Variants in INPP4B observed in about 807,000 individuals in gnomAD.
INPP4B encodes inositol polyphosphate 4-phosphatase type II.
In INPP4B, 55 loss-of-function variants were observed where a neutral mutation model predicts 122.5. The ratio of observed to expected loss-of-function variants is 0.45; its 90% CI spans 0.36 to 0.56. The LOEUF is 0.56. Ranked by LOEUF, INPP4B falls within the 20% of genes least tolerant of loss-of-function variation. The pLI is 0.00. For missense variants in INPP4B, 1,000 were observed against 1,097.7 expected (o/e 0.91, Z 1.26); for synonymous variants, 403 against 388.7 (o/e 1.04, Z -0.43).
At chr4:142,298,762 A>G (rs1561787125) in intron 9 of INPP4B, among the ~76,000 whole-genome samples, 1 of 151,836 alleles carries the variant, frequency 6.6e-6, no homozygotes, top group Non-Finnish European at 1.5e-5. Context: ...TCTGAAAAAT[A>G]CTTGATATCA....
intron 1 of INPP4B, among the ~76,000 whole-genome samples, chr4:142,829,495 C>T (rs1267228652): frequency 2.6e-5 from 4 of 152,142 alleles, no homozygotes; most frequent in African/African-American, 9.7e-5. Flanking sequence ...ATTCCAGTGA[C>T]TTCTCCCTCA....
intron 10 of INPP4B, among the ~76,000 whole-genome samples, chr4:142,269,617 G>C (rs1024606677): frequency 5.9e-5 from 9 of 152,144 alleles, no homozygotes; most frequent in African/African-American, 1.2e-4. Context: ...GTTTCCGTTA[G>C]CCAGGAGGAA....
At chr4:142,620,156 T>C (rs187685027) in intron 2 of INPP4B, among the ~76,000 whole-genome samples, 5 of 152,088 alleles carry the variant, frequency 3.3e-5, no homozygotes, top group African/African-American at 4.8e-5. Context: ...ACAATGGGTA[T>C]ATACCTAAAG....
chr4:142,833,466 A>G (rs1490966941), intron 1 of INPP4B, among the ~76,000 whole-genome samples: 1 of 152,116 alleles, frequency 6.6e-6, no homozygotes, highest in Non-Finnish European at 1.5e-5. Flanking sequence ...AGTATAGAAT[A>G]TAACAATAAC....
At chr4:142,726,952 TATC>T (rs1231536171) in intron 1 of INPP4B, among the ~76,000 whole-genome samples, 2 of 152,176 alleles carry the variant, frequency 1.3e-5, no homozygotes, top group African/African-American at 2.4e-5. Context: ...GCTAATATAA[TATC>T]ATCATTATTA....
intron 1 of INPP4B, among the ~76,000 whole-genome samples, chr4:142,729,980 C>A (rs113343566): frequency 7.3e-6 from 1 of 137,618 alleles, no homozygotes; most frequent in South Asian, 2.4e-4. Context: ...CTCCACTAAA[C>A]CTCAAAACTT....
intron 1 of INPP4B, among the ~76,000 whole-genome samples, chr4:142,835,358 T>A (rs982973820): frequency 6.6e-6 from 1 of 152,184 alleles, no homozygotes; most frequent in Non-Finnish European, 1.5e-5. Context: ...AAAGGAAGGC[T>A]TTCTCTCCTG....
intron 9 of INPP4B, among the ~76,000 whole-genome samples, chr4:142,285,239 C>A (rs543711299): frequency 6.6e-6 from 1 of 151,764 alleles, no homozygotes; most frequent in African/African-American, 2.4e-5. Context: ...GCCTGAGAGG[C>A]CATTGAGCTA....
intron 2 of INPP4B, among the ~76,000 whole-genome samples, chr4:142,527,402 C>A (rs1827066808): frequency 6.6e-6 from 1 of 151,784 alleles, no homozygotes; most frequent in Non-Finnish European, 1.5e-5. Context: ...CAATATATTT[C>A]TTGATAGTTA....
intron 11 of INPP4B, among the ~76,000 whole-genome samples, chr4:142,240,071 C>G (rs922246511): frequency 2.3e-5 from 3 of 132,526 alleles, no homozygotes; most frequent in Admixed American, 1.5e-4. Flanking sequence ...TTATTGTTTT[C>G]TTTTTTTTTT....
chr4:142,809,076 T>A (rs910651582), intron 1 of INPP4B, among the ~76,000 whole-genome samples: 9 of 152,100 alleles, frequency 5.9e-5, no homozygotes, highest in Admixed American at 1.3e-4. Context: ...TAGATTTTTA[T>A]CAGTGAATGA....
chr4:142,592,141 TAA>T (rs967053862), intron 2 of INPP4B, among the ~76,000 whole-genome samples: 16 of 152,204 alleles, frequency 1.1e-4, no homozygotes, highest in South Asian at 2.1e-4. Context: ...TCTGAAAATC[TAA>T]ATTTTTTTCT....
chr4:142,655,136 A>G (rs1369234672), intron 2 of INPP4B, among the ~76,000 whole-genome samples: 2 of 152,146 alleles, frequency 1.3e-5, no homozygotes, highest in African/African-American at 2.4e-5. Flanking sequence ...AGTAGTTAAC[A>G]TTCTTCAAAA....
intron 2 of INPP4B, among the ~76,000 whole-genome samples, chr4:142,516,866 AC>A (rs1238180790): frequency 6.6e-6 from 1 of 151,818 alleles, no homozygotes; most frequent in African/African-American, 2.4e-5. Flanking sequence ...GGACTCTAGT[AC>A]TTCTCCCTTC....
At chr4:142,502,480 C>T (rs1367887181) in intron 2 of INPP4B, among the ~76,000 whole-genome samples, 1 of 152,020 alleles carries the variant, frequency 6.6e-6, no homozygotes, top group Non-Finnish European at 1.5e-5. Flanking sequence ...GAATTTACCT[C>T]TGCCTTTATT....
intron 3 of INPP4B, among the ~76,000 whole-genome samples, chr4:142,448,487 T>C (rs1277651113): frequency 2.6e-5 from 4 of 152,284 alleles, no homozygotes; most frequent in Admixed American, 2.0e-4. Flanking sequence ...TATTTCACAA[T>C]GTCAAATCAC....
intron 5 of INPP4B, among the ~76,000 whole-genome samples, chr4:142,423,500 AACAG>A (rs79389786): frequency 0.1 from 15,495 of 152,024 alleles, 973 homozygotes; most frequent in East Asian, 0.18. Flanking sequence ...TACATGACCT[AACAG>A]ACAAAGTATT....
intron 5 of INPP4B, among the ~76,000 whole-genome samples, chr4:142,414,328 T>C (rs1211100848): frequency 6.6e-6 from 1 of 152,034 alleles, no homozygotes; most frequent in East Asian, 1.9e-4. Flanking sequence ...GAAGATAAAA[T>C]TCACTTCTTT....
At chr4:142,299,865 C>T (rs1355161848) in intron 9 of INPP4B, among the ~76,000 whole-genome samples, 2 of 151,178 alleles carry the variant, frequency 1.3e-5, no homozygotes, top group Non-Finnish European at 2.9e-5. Context: ...ATACACATGA[C>T]TATTAAGGGG....
Sources: gnomAD v4.1 joint callset for allele counts (sites outside exome capture counted in the v4.1 genomes callset) on GRCh38, gnomAD v4.1.1 for gene constraint, MANE v1.5 for transcripts, NCBI Gene and HGNC (gene_info 2026-07-23, HGNC 2026-07-21) for gene names.